Variants in AFF2 observed in about 807,000 individuals in gnomAD.
AFF2 encodes ALF transcription elongation factor 2, also known as AF4/FMR2 family member 2.
In AFF2, 14 loss-of-function variants were observed where a neutral mutation model predicts 76.9. The ratio of observed to expected loss-of-function variants is 0.18; its 90% CI spans 0.12 to 0.28. AFF2 has a LOEUF of 0.28. Among genes scored for constraint, AFF2 ranks in the 10% least tolerant of loss-of-function variants. The probability of loss-of-function intolerance (pLI) is 1.00; values close to 1 mark genes in which losing one functional copy is unlikely to be tolerated. For missense variants in AFF2, 868 were observed against 1,001.1 expected (o/e 0.87, Z 1.79); for synonymous variants, 398 against 366.7 (o/e 1.09, Z -0.98).
intron 13 of AFF2, among the ~76,000 whole-genome samples, chrX:148,963,920 A>G (rs782509927): frequency 3.0e-4 from 34 of 112,200 alleles, no homozygotes; most frequent in Non-Finnish European, 6.0e-4. Context: ...CTTCGTATCC[A>G]TCATAACAAT....
In AFF2 at chrX:148,880,055, A is replaced by G. The variant is rs782422713; in HGVS notation, c.1263-5834A>G. On this transcript the variant is annotated intron_variant, in intron 7 of 20. Coordinates refer to ENST00000370460, the MANE Select transcript of AFF2 (RefSeq NM_002025.4). ...TGGGCACAGTGGTTGGCACTGGGCT[A>G]GGGGTCCACCCCTGATAGATCTTGG... 7.1e-4 allele frequency among the ~76,000 whole-genome samples: 80 copies of G among 112,539 alleles called. 2 individuals carry two copies. The highest frequency in any genetic ancestry group is 6.7e-3 in the Admixed American group (72 of 10,669).
At chrX:148,693,998 G>A in intron 3 of AFF2, among the ~76,000 whole-genome samples, 1 of 111,026 alleles carries the variant, frequency 9.0e-6, no homozygotes. Flanking sequence ...CGTAAAAAAT[G>A]ATGAGTTCAT....
chrX:148,758,022 C>A (rs1210968669), intron 3 of AFF2, among the ~76,000 whole-genome samples: 2 of 112,150 alleles, frequency 1.8e-5, no homozygotes, highest in Non-Finnish European at 3.8e-5. Context: ...TCTGAGTAAT[C>A]CATTTTCCAT....
At chrX:148,621,402 G>A (rs1294896731) in intron 1 of AFF2, among the ~76,000 whole-genome samples, 1 of 110,582 alleles carries the variant, frequency 9.0e-6, no homozygotes, top group African/African-American at 3.3e-5. Flanking sequence ...TCCATTTCCA[G>A]TTTAAGTTTC....
intron 3 of AFF2, among the ~76,000 whole-genome samples, chrX:148,689,438 G>A (rs2054629579): frequency 9.0e-6 from 1 of 110,834 alleles, no homozygotes; most frequent in Admixed American, 9.7e-5. Context: ...TACGAGATAT[G>A]AATAGAAATG....
intron 3 of AFF2, among the ~76,000 whole-genome samples, chrX:148,763,823 A>G (rs782527955): frequency 7.1e-5 from 8 of 112,009 alleles, no homozygotes; most frequent in Non-Finnish European, 1.1e-4. Flanking sequence ...CACTGTTTCT[A>G]TATTGGTGCC....
intron 15 of AFF2, among the ~76,000 whole-genome samples, chrX:148,970,854 G>A (rs1468063969): frequency 5.4e-5 from 6 of 111,816 alleles, no homozygotes; most frequent in Non-Finnish European, 1.1e-4. Context: ...GAGTTCTAAA[G>A]CAAAAATGTA....
Position 148,994,599 on chromosome X carries a change from G to A in AFF2, c.*3267G>A, listed in dbSNP as rs1355722696. 1 of 112,355 alleles carries A rather than the reference G, an allele frequency of 8.9e-6. No individual in the cohort carries two copies. Among genetic ancestry groups the A allele is most frequent in the African/African-American group, 3.2e-5 (1 of 30,893 alleles). 9.3% of individuals were successfully genotyped at this position (112,355 alleles called of 1,213,427 possible). On this transcript the variant is annotated 3_prime_UTR_variant, in exon 21 of 21. Transcript: ENST00000370460. ...ACCAAAATCTTCAGGCAAAAAGCAA[G>A]TTGCAAAATTAGAAACCATTGGCTA...
intron 4 of AFF2, among the ~76,000 whole-genome samples, chrX:148,812,293 C>T (rs1198506422): frequency 9.0e-6 from 1 of 110,959 alleles, no homozygotes; most frequent in Admixed American, 9.6e-5. Context: ...TACATTTTAT[C>T]TTTCTCCCTA....
rs180825050 is a variant in AFF2 at position 148,862,659 on chromosome X, A to G, written c.1262+19226A>G. 2.7e-5 allele frequency among the ~76,000 whole-genome samples: 3 copies of G among 111,439 alleles called. No homozygotes were observed. In the East Asian group the frequency reaches 8.5e-4, roughly 32 times the overall value. On this transcript the variant is annotated intron_variant, in intron 7 of 20. Coordinates refer to ENST00000370460, the MANE Select transcript of AFF2 (RefSeq NM_002025.4). ...TGATAACTGATCTATTATGAGAAGC[A>G]TTTACTACATAGTTAAACTGGCAAG...
intron 7 of AFF2, among the ~76,000 whole-genome samples, chrX:148,867,765 G>T (rs1459782846): frequency 9.0e-6 from 1 of 111,299 alleles, no homozygotes; most frequent in African/African-American, 3.3e-5. Context: ...CCTGTGTCAT[G>T]CCTCTCTGCC....
chrX:148,943,275 GA>G, intron 9 of AFF2, among the ~76,000 whole-genome samples: 1 of 112,594 alleles, frequency 8.9e-6, no homozygotes, highest in African/African-American at 3.2e-5. Context: ...TTTTATTTCA[GA>G]AATTGCGTAT....
intron 7 of AFF2, 144 bp from the exon 8 acceptor site, chrX:148,885,745 A>G: frequency 2.0e-6 from 1 of 502,293 alleles, no homozygotes; most frequent in Non-Finnish European, 3.5e-6. Context: ...ATTAGCTGAA[A>G]CAATCTTGGT....
chrX:148,521,394 ACACACACACACACACACT>A (rs2052597149), intron 1 of AFF2, among the ~76,000 whole-genome samples: 3 of 106,699 alleles, frequency 2.8e-5, no homozygotes, highest in African/African-American at 1.1e-4. Flanking sequence ...ACACACACAC[ACACACACACACACACACT>A]CACTGAGACT....
At chrX:148,566,000 A>G (rs1367787609) in intron 1 of AFF2, among the ~76,000 whole-genome samples, 1 of 111,627 alleles carries the variant, frequency 9.0e-6, no homozygotes, top group Non-Finnish European at 1.9e-5. Context: ...AGTATAAATG[A>G]GAAGTACATT....
chrX:148,812,855 C>G (rs1284885380), intron 4 of AFF2, among the ~76,000 whole-genome samples: 1 of 112,182 alleles, frequency 8.9e-6, no homozygotes, highest in Non-Finnish European at 1.9e-5. Flanking sequence ...GAAAGCCCCT[C>G]TCACCATTCA....
intron 1 of AFF2, among the ~76,000 whole-genome samples, chrX:148,582,830 A>G (rs2053428280): frequency 8.9e-6 from 1 of 112,395 alleles, no homozygotes; most frequent in Non-Finnish European, 1.9e-5. Flanking sequence ...ACCAAAAGGT[A>G]AAAACATCCC....
At chrX:148,938,408 A>G (rs1557285246) in intron 9 of AFF2, among the ~76,000 whole-genome samples, 5 of 112,453 alleles carry the variant, frequency 4.4e-5, no homozygotes, top group Non-Finnish European at 9.4e-5. Flanking sequence ...CCATAATTGT[A>G]TCAGACTTAT....
chrX:148,925,220 C>T (rs782334490), intron 9 of AFF2, among the ~76,000 whole-genome samples: 20 of 112,098 alleles, frequency 1.8e-4, no homozygotes, highest in Non-Finnish European at 3.2e-4. Flanking sequence ...GAATATTCAG[C>T]GGTGTTATCC....
Sources: gnomAD v4.1 joint callset for allele counts (sites outside exome capture counted in the v4.1 genomes callset) on GRCh38, gnomAD v4.1.1 for gene constraint, MANE v1.5 for transcripts, NCBI Gene and HGNC (gene_info 2026-07-23, HGNC 2026-07-21) for gene names.